ITK: variants seen among roughly 807,000 people sequenced by gnomAD.
ITK encodes the protein tyrosine-protein kinase ITK/TSK.
A neutral mutation model predicts 87.6 loss-of-function variants in ITK; 45 were observed. That is an observed-to-expected ratio of 0.51 (90% CI 0.40 to 0.66). The LOEUF (loss-of-function observed/expected upper bound fraction) is 0.66, where lower values mean the gene tolerates loss of function less well. ITK is among the 30% of genes least tolerant of loss of function. ITK has a pLI of 0.00. For synonymous variants in ITK, 303 were observed against 273.6 expected (o/e 1.11, Z -1.06); for missense variants, 605 against 766.3 (o/e 0.79, Z 2.48).
chr5:157,206,437 C>T (rs556098580), intron 1 of ITK, among the ~76,000 whole-genome samples: 1 of 152,244 alleles, frequency 6.6e-6, no homozygotes, highest in African/African-American at 2.4e-5. Context: ...TCCTCAATTT[C>T]TTGGAATGGT....
chr5:157,245,791 G>A lies in ITK; in HGVS notation c.1514+1G>A. 6.2e-7 allele frequency: 1 copy of A among 1,614,064 alleles called. No homozygotes were observed. Among genetic ancestry groups the A allele is most frequent in the Non-Finnish European group, 8.5e-7 (1 of 1,179,900 alleles). ...AGGTGTCTGACTTTGGGATGACAAG[G>A]TAAAAGAGGGATGTGGTGCCGGTGA... On this transcript the variant is annotated splice_donor_variant, in intron 14 of 16. Transcript: ENST00000422843. LOFTEE classifies it high-confidence loss of function.
intron 10 of ITK, 54 bp downstream of exon 10, chr5:157,240,249 G>A: frequency 1.3e-6 from 2 of 1,544,882 alleles, no homozygotes; most frequent in Non-Finnish European, 8.9e-7. Flanking sequence ...GTGAGCAGCA[G>A]GTGAGCAAGC....
At chr5:157,223,271 TA>T (rs990067640) in intron 6 of ITK, among the ~76,000 whole-genome samples, 1 of 152,168 alleles carries the variant, frequency 6.6e-6, no homozygotes, top group African/African-American at 2.4e-5. Flanking sequence ...CAAACTCATC[TA>T]AAAAACCCCC....
At chr5:157,215,775 T>A (rs1754286233) in intron 4 of ITK, among the ~76,000 whole-genome samples, 1 of 152,218 alleles carries the variant, frequency 6.6e-6, no homozygotes, top group Non-Finnish European at 1.5e-5. Context: ...TCTGAGGGGC[T>A]TAGGATGAAA....
intron 8 of ITK, among the ~76,000 whole-genome samples, chr5:157,233,932 CATATATATAT>C (rs201838461): frequency 6.2e-3 from 133 of 21,516 alleles, no homozygotes; most frequent in African/African-American, 0.024. Context: ...CTTACTGATA[CATATATATAT>C]ATATATATAT....
chr5:157,229,493 T>A (rs1754605790), intron 7 of ITK, among the ~76,000 whole-genome samples: 1 of 152,222 alleles, frequency 6.6e-6, no homozygotes, highest in South Asian at 2.1e-4. Context: ...TAAGGATATA[T>A]TCATAAGGAT....
intron 3 of ITK, among the ~76,000 whole-genome samples, chr5:157,212,790 T>C (rs1754216343): frequency 6.6e-6 from 1 of 151,246 alleles, no homozygotes; most frequent in African/African-American, 2.4e-5. Context: ...AGGTCAAGGC[T>C]GCAGTGAGCC....
Position 157,238,298 on chromosome 5 carries a change from T to C in ITK, c.851+107T>C, listed in dbSNP as rs1580904220. ...GACAGTGCAAGAGGTAGAGGCTCAC[T>C]AGAAATGGTCTGTTTTCCCTCTTTA... On this transcript the variant is annotated intron_variant, in intron 9 of 16. Transcript: ENST00000422843. The C allele has an allele frequency of 1.9e-5, 16 of 844,058 alleles. No individual in the cohort carries two copies. In the East Asian group the frequency reaches 3.8e-4, roughly 20 times the overall value. 52.3% of individuals were successfully genotyped at this position (844,058 alleles called of 1,614,324 possible). A position where few individuals can be genotyped will look rare whatever the true frequency, so the allele number is the denominator to read the frequency against.
At chr5:157,217,740 C>T (rs1156991260) in intron 4 of ITK, 127 bp from the exon 5 acceptor site, 3 of 782,316 alleles carry the variant, frequency 3.8e-6, no homozygotes, top group Non-Finnish European at 6.8e-6. Flanking sequence ...ATTGCTCCTT[C>T]TGGCCCCCTT....
intron 6 of ITK, among the ~76,000 whole-genome samples, chr5:157,224,642 G>T (rs1040164518): frequency 1.3e-5 from 2 of 152,136 alleles, no homozygotes; most frequent in Admixed American, 1.3e-4. Flanking sequence ...TTAGCTGGGT[G>T]TGGTGGCAGG....
intron 5 of ITK, among the ~76,000 whole-genome samples, chr5:157,219,995 C>A (rs30156): frequency 6.6e-6 from 1 of 152,016 alleles, no homozygotes. Flanking sequence ...TAGTTTCAAC[C>A]GCATGTCTAA....
chr5:157,228,075 G>T (rs190848946), intron 6 of ITK, among the ~76,000 whole-genome samples: 2 of 151,834 alleles, frequency 1.3e-5, no homozygotes, highest in Non-Finnish European at 2.9e-5. Flanking sequence ...TCTTGACCTC[G>T]TGATCCACCT....
chr5:157,185,682 C>CAAA (rs397831582), intron 1 of ITK, among the ~76,000 whole-genome samples: 13 of 84,736 alleles, frequency 1.5e-4, no homozygotes, highest in Non-Finnish European at 3.2e-4. Flanking sequence ...TCCGTCTCCA[C>CAAA]AAAAAAAAAA....
At position 157,214,261 on chromosome 5, in the gene ITK, C is replaced by A; in HGVS notation, c.396C>A (p.Cys132Ter). The A allele has an allele frequency of 6.2e-7, 1 of 1,609,906 alleles. No individual in the cohort carries two copies. The change falls in exon 4 of 17, where the codon TGC becomes TGA. Residue 132 changes from cysteine (C) to a stop codon, truncating the protein, a stop_gained. Transcript: ENST00000422843. LOFTEE classifies it high-confidence loss of function. ...TCTGGATGGATGGGAAGTGGAGGTG[C>A]TGTTCTCAGCTGGAGAAGCTTGCAA... ...PNFWMDGKWR[C>*]CSQLEKLATG...
At position 157,253,840 on chromosome 5, in the gene ITK, G is replaced by A. The variant is rs1334994161; in HGVS notation, c.*1162G>A. The A allele has an allele frequency of 4.5e-6, 1 of 222,694 alleles. No individual in the cohort carries two copies. Among genetic ancestry groups the A allele is most frequent in the African/African-American group, 2.2e-5 (1 of 44,808 alleles). 13.8% of individuals were successfully genotyped at this position (222,694 alleles called of 1,614,324 possible). A position where few individuals can be genotyped will look rare whatever the true frequency, so the allele number is the denominator to read the frequency against. ...GGCACTGACTGGGGTGCTTCCAAGAGGCATGAGAGTGCCTACTCTGGCTTG... is the reference window on the plus strand; with the variant it reads ...GGCACTGACTGGGGTGCTTCCAAGAAGCATGAGAGTGCCTACTCTGGCTTG... On this transcript the variant is annotated 3_prime_UTR_variant, in exon 17 of 17. Coordinates refer to ENST00000422843, the MANE Select transcript of ITK (RefSeq NM_005546.4).
chr5:157,195,718 T>C (rs2113742885), intron 1 of ITK: 1 of 152,320 alleles, frequency 6.6e-6, no homozygotes, highest in East Asian at 1.9e-4. Flanking sequence ...AGTAGTAACA[T>C]ACTCTGCACA....
At chr5:157,216,666 C>T (rs560065867) in intron 4 of ITK, among the ~76,000 whole-genome samples, 143 of 152,018 alleles carry the variant, frequency 9.4e-4, no homozygotes, top group Admixed American at 3.0e-3. Context: ...GGCCAGAGGA[C>T]GAAGAAAGAG....
intron 1 of ITK, among the ~76,000 whole-genome samples, chr5:157,185,529 C>T (rs958568893): frequency 2.6e-5 from 4 of 152,074 alleles, no homozygotes; most frequent in East Asian, 1.9e-4. Flanking sequence ...TGTGAGCCAT[C>T]GCGCCTGGCC....
chr5:157,247,120 T>C (rs1179667249), intron 15 of ITK, among the ~76,000 whole-genome samples: 1 of 152,252 alleles, frequency 6.6e-6, no homozygotes, highest in Non-Finnish European at 1.5e-5. Flanking sequence ...AAGGGCTTAC[T>C]AGTAGTAGAA....
Sources: gnomAD v4.1 joint callset for allele counts (sites outside exome capture counted in the v4.1 genomes callset) on GRCh38, gnomAD v4.1.1 for gene constraint, MANE v1.5 for transcripts, NCBI Gene and HGNC (gene_info 2026-07-23, HGNC 2026-07-21) for gene names.